The following TRIML1 variants were observed in gnomAD, a reference collection of about 807,000 sequenced individuals.
TRIML1 encodes probable E3 ubiquitin-protein ligase TRIML1.
A neutral mutation model predicts 32.3 loss-of-function variants in TRIML1; 34 were observed. The ratio of observed to expected loss-of-function variants is 1.05; its 90% CI spans 0.80 to 1.40. TRIML1 has a LOEUF of 1.40. Among genes scored for constraint, TRIML1 ranks in the 40% most tolerant of loss-of-function variants. The pLI, the probability that TRIML1 is intolerant of heterozygous loss-of-function variation, is 0.00. For missense variants in TRIML1, 595 were observed against 574.9 expected, an observed-to-expected ratio of 1.03 and a Z score of -0.36; for synonymous variants, 244 against 226.6, an observed-to-expected ratio of 1.08 and a Z score of -0.69.
rs1455340137 is a variant in TRIML1 at position 188,146,705 on chromosome 4, C to A, written c.857-117C>A. The A allele has an allele frequency of 9.5e-6, 8 of 838,314 alleles. No homozygotes were observed. In the East Asian group the frequency reaches 2.4e-4, roughly 25 times the overall value. The allele number at this position is 838,314 out of a possible 1,614,324, so 51.9% of individuals were successfully genotyped here. A position where few individuals can be genotyped will look rare whatever the true frequency, so the allele number is the denominator to read the frequency against. On this transcript the variant is annotated intron_variant, in intron 5 of 5. Transcript: ENST00000332517. ...TACAGGCGCGAGCCATCACGCCCGG[C>A]CCCAAATTACATTTAAAAAACCAGG...
At chr4:188,150,535 TA>T (rs1160506860), downstream of TRIML1, among the ~76,000 whole-genome samples, 11 of 152,168 alleles carry the variant, frequency 7.2e-5, no homozygotes, top group African/African-American at 2.7e-4. Flanking sequence ...TTTTCTCAAT[TA>T]CCAAAAATCC....
At chr4:188,140,504 A>G in intron 1 of TRIML1, 24 bp from the exon 2 acceptor site, 2 of 1,595,034 alleles carry the variant, frequency 1.3e-6, no homozygotes, top group South Asian at 1.1e-5. Context: ...CTCATTTGCC[A>G]GAAAGGGTTT....
In TRIML1 at chr4:188,142,291, T is replaced by C. The variant is rs775765133; in HGVS notation, c.544T>C (p.Tyr182His). 1 of 1,612,140 alleles carries C rather than the reference T, an allele frequency of 6.2e-7. No homozygotes were observed. Among genetic ancestry groups the C allele is most frequent in the South Asian group, 1.1e-5 (1 of 90,976 alleles). Residue 182 changes from tyrosine to histidine, a missense_variant, in exon 3 of 6, where the codon TAC becomes CAC. Coordinates refer to ENST00000332517, the MANE Select transcript of TRIML1 (RefSeq NM_178556.5). ...TTGTAAACAGGTTGTTGTGTCAGAA[T>C]ACATGAAAATGCACCAGTTCCTGAA... ...KTCKQVVVSE[Y>H]MKMHQFLKEE...
At chr4:188,145,660 T>C (rs986259589) in intron 5 of TRIML1, among the ~76,000 whole-genome samples, 2 of 150,678 alleles carry the variant, frequency 1.3e-5, no homozygotes, top group African/African-American at 4.9e-5. Flanking sequence ...CCATCTCTAC[T>C]AAAAATACAA....
At chr4:188,138,387 G>C (rs1031396962), upstream of TRIML1, among the ~76,000 whole-genome samples, 20 of 152,226 alleles carry the variant, frequency 1.3e-4, no homozygotes, top group Non-Finnish European at 2.6e-4. Context: ...GCTGGAGAGT[G>C]AGGGGACGGA....
intron 2 of TRIML1, among the ~76,000 whole-genome samples, chr4:188,141,206 C>A (rs1223634488): frequency 7.5e-6 from 1 of 132,978 alleles, no homozygotes; most frequent in South Asian, 2.5e-4. Context: ...CTCTCTCTGT[C>A]GCCCAGGCTG....
upstream of TRIML1, among the ~76,000 whole-genome samples, chr4:188,138,356 C>G (rs1362831937): frequency 1.3e-5 from 2 of 152,026 alleles, no homozygotes; most frequent in Non-Finnish European, 2.9e-5. Flanking sequence ...GTAATGGACC[C>G]GACTCGTGGA....
At chr4:188,144,398 C>T (rs1225870179) in intron 5 of TRIML1, among the ~76,000 whole-genome samples, 10 of 148,442 alleles carry the variant, frequency 6.7e-5, no homozygotes, top group Non-Finnish European at 1.3e-4. Context: ...AGTCTCACTC[C>T]GTGTCCCGGG....
chr4:188,141,040 C>T (rs1007184009), intron 2 of TRIML1, among the ~76,000 whole-genome samples: 1 of 152,078 alleles, frequency 6.6e-6, no homozygotes, highest in African/African-American at 2.4e-5. Context: ...TGATACCTGA[C>T]AAGTCCTCAA....
In TRIML1 at chr4:188,142,378, C is replaced by G. The variant is rs1734894466; in HGVS notation, c.631C>G (p.Leu211Val). 6.2e-7 allele frequency: 1 copy of G among 1,613,674 alleles called. No individual in the cohort carries two copies. The highest frequency in any genetic ancestry group is 8.5e-7 in the Non-Finnish European group (1 of 1,179,964). Reference protein sequence around the residue: ...EQEEKENMRKLRNNEIKLTQQ... With the variant: ...EQEEKENMRKVRNNEIKLTQQ... ...GGAAGAGAAAGAGAACATGAGGAAG[C>G]TGAGGAACAATGAGATCAAACTGAC... The change falls in exon 3 of 6, where the codon CTG becomes GTG. Residue 211 changes from leucine (L) to valine (V), a missense_variant. Leu to Val is a conservative substitution (Grantham distance 32, BLOSUM62 1). Coordinates refer to ENST00000332517, the MANE Select transcript of TRIML1 (RefSeq NM_178556.5).
At position 188,141,165 on chromosome 4, in the gene TRIML1, G is replaced by GTTTTTTTTTTTTTTTTTTT. The variant is rs58714915; in HGVS notation, c.504+543_504+561dup. On this transcript the variant is annotated intron_variant, in intron 2 of 5. Coordinates refer to ENST00000332517, the MANE Select transcript of TRIML1 (RefSeq NM_178556.5). ...ATTCTCCCAATAGACTTTGAAATCT[G>GTTTTTTTTTTTTTTTTTTT]TTTTTTTTTTTTTTTTTTTGGAGAT... Among the ~76,000 whole-genome samples the GTTTTTTTTTTTTTTTTTTT allele has an allele frequency of 9.3e-5, 11 of 118,818 alleles. 1 individual carries two copies. Among genetic ancestry groups the GTTTTTTTTTTTTTTTTTTT allele is most frequent in the Admixed American group, 1.9e-4 (2 of 10,368 alleles). The allele number at this position is 118,818 out of a possible 152,430, so 77.9% of individuals were successfully genotyped here.
At chr4:188,141,416 T>G (rs1442451384) in intron 2 of TRIML1, among the ~76,000 whole-genome samples, 1 of 152,106 alleles carries the variant, frequency 6.6e-6, no homozygotes, top group East Asian at 1.9e-4. Context: ...TCCACCTGTC[T>G]CGGTCTCCCA....
At chr4:188,143,219 C>A (rs1233204551) in intron 3 of TRIML1, 1 of 152,890 alleles carries the variant, frequency 6.5e-6, no homozygotes. Context: ...CCATGCCCAG[C>A]TAAGTTTTGT....
Position 188,147,085 on chromosome 4 carries a change from G to T in TRIML1, c.1120G>T (p.Asp374Tyr). ...RKGNLPKPPG[D>Y]LFSLIGLKIG... ...GGGGAATCTCCCCAAGCCACCTGGG[G>T]ACCTGTTCTCACTAATAGGTTTAAA... is the stretch of plus-strand genomic sequence containing the variant. Residue 374 changes from aspartate (D) to tyrosine (Y), a missense_variant, in exon 6 of 6, where the codon GAC (aspartate) becomes TAC (tyrosine). Transcript: ENST00000332517. 2 of 1,613,956 alleles carry T rather than the reference G, an allele frequency of 1.2e-6. No homozygotes were observed. The highest frequency in any genetic ancestry group is 2.2e-5 in the South Asian group (2 of 91,072).
downstream of TRIML1, among the ~76,000 whole-genome samples, chr4:188,149,634 G>A (rs1735199462): frequency 6.6e-6 from 1 of 152,076 alleles, no homozygotes; most frequent in Non-Finnish European, 1.5e-5. Context: ...TCAAGAGTCT[G>A]GGAAATGCTG....
At chr4:188,148,901 CTTTTTTTTTTT>C (rs34415263), downstream of TRIML1, among the ~76,000 whole-genome samples, 37 of 63,786 alleles carry the variant, frequency 5.8e-4, no homozygotes, top group East Asian at 0.017. Context: ...CGTGCCCAGG[CTTTTTTTTTTT>C]TTTTTTTTTT....
rs757493160 is a variant in TRIML1, at chr4:188,139,657, C to A, written c.99C>A (p.His33Gln). The A allele has an allele frequency of 6.8e-6, 11 of 1,614,034 alleles. No individual in the cohort carries two copies. Among genetic ancestry groups the A allele is most frequent in the Non-Finnish European group, 9.3e-6 (11 of 1,180,036 alleles). Reference sequence around the variant, plus strand: ...GCCCAGTGACCACCGAGTGTGGGCACAGCTTTTGTCTGGTGTGTCTCCTCA... The same window carrying A: ...GCCCAGTGACCACCGAGTGTGGGCAAAGCTTTTGTCTGGTGTGTCTCCTCA... ...FSSPVTTECG[H>Q]SFCLVCLLRS... Residue 33 changes from histidine to glutamine, a missense_variant, in exon 1 of 6, where the codon CAC becomes CAA. Transcript: ENST00000332517.
In TRIML1 at chr4:188,147,350, G is replaced by T. The variant is rs781580234; in HGVS notation, c.1385G>T (p.Cys462Phe). The change falls in exon 6 of 6, where the codon TGC (cysteine) becomes TTC (phenylalanine). Residue 462 changes from cysteine (C) to phenylalanine (F), a missense_variant. Coordinates refer to ENST00000332517, the MANE Select transcript of TRIML1 (RefSeq NM_178556.5). ...ACAAACACAGACCCTCTCACCATCT[G>T]CTCACTGAACAGCCACGTCTGAGGG... The part of the protein sequence containing the change: ...EGTNTDPLTI[C>F]SLNSHV 8.6e-6 allele frequency: 13 copies of T among 1,506,746 alleles called. No homozygotes were observed. In the South Asian group the frequency reaches 1.2e-4, roughly 14 times the overall value. 93.3% of individuals were successfully genotyped at this position (1,506,746 alleles called of 1,614,324 possible). A position where few individuals can be genotyped will look rare whatever the true frequency, so the allele number is the denominator to read the frequency against.
At chr4:188,141,233 T>A (rs1425931755) in intron 2 of TRIML1, among the ~76,000 whole-genome samples, 1 of 145,486 alleles carries the variant, frequency 6.9e-6, no homozygotes, top group African/African-American at 2.6e-5. Flanking sequence ...AGTGGCGCGA[T>A]CCCGGCTCAC....
Sources: allele counts gnomAD v4.1 joint callset (sites outside exome capture counted in the v4.1 genomes callset), GRCh38; gene constraint gnomAD v4.1.1; transcripts MANE v1.5; gene names NCBI Gene and HGNC (gene_info 2026-07-23, HGNC 2026-07-21).